Variants in GIN1 observed in about 807,000 individuals in gnomAD.
GIN1 encodes gypsy retrotransposon integrase-like protein 1.
A neutral mutation model predicts 51.4 loss-of-function variants in GIN1; 41 were observed. The observed-to-expected ratio is 0.80, with a 90% CI of 0.62 to 1.04. The LOEUF (loss-of-function observed/expected upper bound fraction) is 1.04, where lower values mean the gene tolerates loss of function less well. Among genes scored for constraint, GIN1 ranks in the 50% least tolerant of loss-of-function variants. The pLI is 0.00. For missense variants in GIN1, 610 were observed against 612.4 expected, an observed-to-expected ratio of 1.00 and a Z score of 0.04; for synonymous variants, 222 against 206.5, an observed-to-expected ratio of 1.07 and a Z score of -0.64.
intron 7 of GIN1, among the ~76,000 whole-genome samples, chr5:103,095,739 T>C (rs1787374020): frequency 6.6e-6 from 1 of 152,138 alleles, no homozygotes; most frequent in Non-Finnish European, 1.5e-5. Flanking sequence ...CTGGCCAACA[T>C]GGTGAAACCT....
At position 103,106,772 on chromosome 5, in the gene GIN1, T is replaced by C; in HGVS notation, c.277A>G (p.Thr93Ala). The C allele has an allele frequency of 6.2e-7, 1 of 1,603,944 alleles. No homozygotes were observed. The highest frequency in any genetic ancestry group is 1.1e-5 in the South Asian group (1 of 89,216). Residue 93 changes from threonine to alanine, a missense_variant, in exon 3 of 8, where the codon ACT becomes GCT. Transcript: ENST00000399004. ...CAATAATAATTGGATTCTACCAGAGTGAGGGTCCTGGATATACCATGATGA... is the reference window on the plus strand; with the variant it reads ...CAATAATAATTGGATTCTACCAGAGCGAGGGTCCTGGATATACCATGATGA... ...GAHHGISRTLTLVESNYYWTS... is the reference protein window; with the variant it reads ...GAHHGISRTLALVESNYYWTS...
At chr5:103,104,380 C>T (rs1787662706) in intron 4 of GIN1, among the ~76,000 whole-genome samples, 161 bp downstream of exon 4, 1 of 152,144 alleles carries the variant, frequency 6.6e-6, no homozygotes, top group South Asian at 2.1e-4. Flanking sequence ...TCCTAATTTC[C>T]AGTACAACTA....
At chr5:103,088,581 C>T (rs1787146309) in intron 7 of GIN1, among the ~76,000 whole-genome samples, 1 of 152,050 alleles carries the variant, frequency 6.6e-6, no homozygotes, top group Non-Finnish European at 1.5e-5. Flanking sequence ...TTGCTTAAGC[C>T]CAGGAGTTCA....
At chr5:103,091,977 A>T (rs1331059671) in intron 7 of GIN1, among the ~76,000 whole-genome samples, 4 of 151,584 alleles carry the variant, frequency 2.6e-5, no homozygotes, top group African/African-American at 9.7e-5. Context: ...GGCAGCCAAG[A>T]TCACACCATT....
In GIN1 at chr5:103,117,581, T is replaced by TATATACACACACACACACACAC. The variant is rs5870042; in HGVS notation, c.-8+2482_-8+2483insGTGTGTGTGTGTGTGTGTATAT. ...GGTTCTCTATATGAAGAAAAAAATA[T>TATATACACACACACACACACAC]ACACACACACACACACACATATCAT... On this transcript the variant is annotated intron_variant, in intron 1 of 7. Coordinates refer to ENST00000399004, the MANE Select transcript of GIN1 (RefSeq NM_017676.2). Among the ~76,000 whole-genome samples the TATATACACACACACACACACAC allele has an allele frequency of 6.1e-3, 917 of 149,470 alleles. 4 individuals carry two copies. The highest frequency in any genetic ancestry group is 7.5e-3 in the African/African-American group (306 of 40,994).
chr5:103,097,740 A>C lies in GIN1; in HGVS notation c.681T>G (p.Ile227Met), dbSNP rs1562328394. Reference sequence around the variant, plus strand: ...CAGTTCCAGAGGTGTGAGAAATTACAATTTGCTTTATGCCAAACAATCTGT... The same window carrying C: ...CAGTTCCAGAGGTGTGAGAAATTACCATTTGCTTTATGCCAAACAATCTGT... ...ELYRLFGIKQ[I>M]VISHTSGTVN... Residue 227 changes from isoleucine to methionine, a missense_variant, in exon 5 of 8, where the codon ATT becomes ATG. Ile to Met is a conservative substitution (Grantham distance 10). Coordinates refer to ENST00000399004, the MANE Select transcript of GIN1 (RefSeq NM_017676.2). 8.8e-6 allele frequency: 14 copies of C among 1,582,104 alleles called. No homozygotes were observed. The highest frequency in any genetic ancestry group is 1.1e-5 in the Non-Finnish European group (13 of 1,150,624).
intron 5 of GIN1, 31 bp from the exon 6 acceptor site, chr5:103,097,521 T>C: frequency 1.3e-6 from 2 of 1,482,484 alleles, no homozygotes; most frequent in South Asian, 1.2e-5. Flanking sequence ...GTCAATTTTG[T>C]AATAAAACAT....
Position 103,097,437 on chromosome 5 carries a change from C to CT in GIN1, c.884_885insA (p.Met295IlefsTer3). 6.3e-7 allele frequency: 1 copy of CT among 1,581,038 alleles called. No homozygotes were observed. Among genetic ancestry groups the CT allele is most frequent in the East Asian group, 2.2e-5 (1 of 44,706 alleles). ...CATGAAGACTATCTGAAGTCTCAGG[C>CT]ATATAAGGATTTCGACTAAACATTT... On this transcript the variant is annotated frameshift_variant, in exon 6 of 8. Transcript: ENST00000399004. LOFTEE classifies it high-confidence loss of function.
intron 1 of GIN1, among the ~76,000 whole-genome samples, chr5:103,109,557 A>C (rs959045165): frequency 8.5e-5 from 13 of 152,138 alleles, no homozygotes; most frequent in African/African-American, 3.1e-4. Flanking sequence ...CAGAGAGAGT[A>C]ACAGTACATT....
At chr5:103,105,076 G>C (rs1297265217) in intron 3 of GIN1, among the ~76,000 whole-genome samples, 1 of 150,960 alleles carries the variant, frequency 6.6e-6, no homozygotes, top group East Asian at 1.9e-4. Context: ...AAACAACATG[G>C]GTTTGGACTG....
intron 1 of GIN1, among the ~76,000 whole-genome samples, chr5:103,117,581 T>TATACACACAC (rs5870042): frequency 1.7e-3 from 248 of 149,486 alleles, no homozygotes; most frequent in African/African-American, 5.8e-3. Flanking sequence ...GAAAAAAATA[T>TATACACACAC]ACACACACAC....
chr5:103,097,259 T>C (rs1787426662), intron 6 of GIN1, 55 bp downstream of exon 6: 14 of 1,084,422 alleles, frequency 1.3e-5, no homozygotes, highest in Non-Finnish European at 1.9e-5. Flanking sequence ...ATTTTAAAAA[T>C]AAATATAACT....
At chr5:103,110,543 G>T (rs550664722) in intron 1 of GIN1, among the ~76,000 whole-genome samples, 211 of 152,220 alleles carry the variant, frequency 1.4e-3, no homozygotes, top group Admixed American at 3.6e-3. Context: ...CGATGACTTA[G>T]AATTACACAC....
At chr5:103,119,637 A>C (rs947310352) in intron 1 of GIN1, among the ~76,000 whole-genome samples, 6 of 152,096 alleles carry the variant, frequency 3.9e-5, no homozygotes, top group African/African-American at 1.2e-4. Flanking sequence ...TTTGGGGCAA[A>C]ATTTCTGATT....
rs1554194074 is a variant in GIN1 at position 103,087,917 on chromosome 5, AC to A, written c.1549del (p.Val517PhefsTer5). On this transcript the variant is annotated frameshift_variant, in exon 8 of 8. Transcript: ENST00000399004. LOFTEE classifies it high-confidence loss of function. ...TFSLLDSSNQ[V>X]LEYLS ...TATTTACTAACTTAAGTATTCAAGA[AC>A]CTGGTTTGAAGAGTCCAACAGACTG... is the stretch of plus-strand genomic sequence containing the variant. 4.6e-6 allele frequency: 7 copies of A among 1,512,054 alleles called. No homozygotes were observed. In the East Asian group the frequency reaches 1.6e-4, roughly 35 times the overall value. 93.7% of individuals were successfully genotyped at this position (1,512,054 alleles called of 1,614,324 possible). A position where few individuals can be genotyped will look rare whatever the true frequency, so the allele number is the denominator to read the frequency against.
At chr5:103,111,936 A>G (rs1554196955) in intron 1 of GIN1, among the ~76,000 whole-genome samples, 1 of 152,150 alleles carries the variant, frequency 6.6e-6, no homozygotes, top group Non-Finnish European at 1.5e-5. Flanking sequence ...TTTATAATAA[A>G]TATACAAAAA....
At chr5:103,097,041 G>A (rs537203734) in intron 6 of GIN1, among the ~76,000 whole-genome samples, 16 of 150,152 alleles carry the variant, frequency 1.1e-4, no homozygotes, top group African/African-American at 3.4e-4. Context: ...GTAATTTGCC[G>A]AAGTCAAACA....
chr5:103,090,315 A>T (rs556995915), intron 7 of GIN1, among the ~76,000 whole-genome samples: 1 of 152,322 alleles, frequency 6.6e-6, no homozygotes, highest in Non-Finnish European at 1.5e-5. Context: ...ATCATGCAAC[A>T]CATGAGATGT....
chr5:103,095,709 G>T lies in GIN1; in HGVS notation c.1294+832C>A, dbSNP rs536021457. 7.9e-5 allele frequency among the ~76,000 whole-genome samples: 12 copies of T among 152,278 alleles called. 1 individual carries two copies. In the South Asian group the frequency reaches 2.5e-3, roughly 32 times the overall value. On this transcript the variant is annotated intron_variant, in intron 7 of 7. Transcript: ENST00000399004. ...GGCCAAGGCAGGCAAATCCCTAGAG[G>T]CCAAGAGTTCAAAACCAGCCTGGCC...
Sources: gnomAD v4.1 joint callset for allele counts (sites outside exome capture counted in the v4.1 genomes callset) on GRCh38, gnomAD v4.1.1 for gene constraint, MANE v1.5 for transcripts, NCBI Gene and HGNC (gene_info 2026-07-23, HGNC 2026-07-21) for gene names.